The following LKAAEAR1 variants were observed in gnomAD, a reference collection of about 807,000 sequenced individuals.
LKAAEAR1 encodes protein LKAAEAR1.
LKAAEAR1 carries 19 observed loss-of-function variants against 16.5 expected under a neutral mutation model. That is an observed-to-expected ratio of 1.15 (90% CI 0.80 to 1.69). The LOEUF is 1.69. Among genes scored for constraint, LKAAEAR1 ranks in the 40% most tolerant of loss-of-function variants. The probability of loss-of-function intolerance (pLI) is 0.00; values close to 1 mark genes in which losing one functional copy is unlikely to be tolerated. For missense variants in LKAAEAR1, 304 were observed against 315.8 expected (o/e 0.96, Z 0.28); for synonymous variants, 124 against 152.7 (o/e 0.81, Z 1.39).
Position 64,083,716 on chromosome 20 carries a change from C to T in LKAAEAR1, c.403-11G>A. The T allele has an allele frequency of 1.5e-6, 2 of 1,363,240 alleles. No individual in the cohort carries two copies. Among genetic ancestry groups the T allele is most frequent in the Non-Finnish European group, 1.9e-6 (2 of 1,066,484 alleles). 84.4% of individuals were successfully genotyped at this position (1,363,240 alleles called of 1,614,324 possible). On this transcript the variant is annotated splice_polypyrimidine_tract_variant and intron_variant, in intron 1 of 2. Coordinates refer to ENST00000302096, the MANE Select transcript of LKAAEAR1 (RefSeq NM_001353425.2). This position sits in a 1 kb window ranked among gnomAD's most constrained non-coding sequence, Gnocchi z 4.9. ...CGCGATCTCCTCGGCCTGCGGGGCCCGGGTAGCTGAGCGCGCGCCGAGCCC... is the reference window on the plus strand; with the variant it reads ...CGCGATCTCCTCGGCCTGCGGGGCCTGGGTAGCTGAGCGCGCGCCGAGCCC...
Position 64,083,507 on chromosome 20 carries a change from G to C in LKAAEAR1, c.526-13C>G, listed in dbSNP as rs1243304481. The stretch of plus-strand genomic sequence containing the variant: ...CCACGCGCCTCCGCTGCCGGGGAGA[G>C]AGGCTGGGGTCCGGCGTGTGCGGAG... On this transcript the variant is annotated splice_polypyrimidine_tract_variant and intron_variant, in intron 2 of 2. Transcript: ENST00000302096. The surrounding 1 kb of genome is among the most constrained non-coding windows in gnomAD (Gnocchi z 4.9). The C allele has an allele frequency of 3.8e-6, 6 of 1,583,926 alleles. No homozygotes were observed. The highest frequency in any genetic ancestry group is 5.1e-6 in the Non-Finnish European group (6 of 1,166,460).
Position 64,084,338 on chromosome 20 carries a change from C to T in LKAAEAR1, c.-119G>A. On this transcript the variant is annotated 5_prime_UTR_variant, in exon 1 of 3. Coordinates refer to ENST00000302096, the MANE Select transcript of LKAAEAR1 (RefSeq NM_001353425.2). The stretch of plus-strand genomic sequence containing the variant: ...CAGCTCCCGCCCGCTGGGCTCTCCG[C>T]AGTCGGTTTTGAGTTCCGCACCCCC... 7.8e-7 allele frequency: 1 copy of T among 1,288,902 alleles called. No homozygotes were observed. Among genetic ancestry groups the T allele is most frequent in the Non-Finnish European group, 9.8e-7 (1 of 1,020,790 alleles). 79.8% of individuals were successfully genotyped at this position (1,288,902 alleles called of 1,614,324 possible). A position where few individuals can be genotyped will look rare whatever the true frequency, so the allele number is the denominator to read the frequency against.
rs1367711843 is a variant in LKAAEAR1 at position 64,083,893 on chromosome 20, C to T, written c.327G>A (p.Arg109=). 2 of 1,442,596 alleles carry T rather than the reference C, an allele frequency of 1.4e-6. No homozygotes were observed. Among genetic ancestry groups the T allele is most frequent in the African/African-American group, 1.5e-5 (1 of 67,254 alleles). 89.4% of individuals were successfully genotyped at this position (1,442,596 alleles called of 1,614,324 possible). ...CCGCTGCCTTGAGGACGCCGAGGAG[C>T]CGGTTCTGGCGCTCGGCGGGCAGCT... is the stretch of plus-strand genomic sequence containing the variant. ...SLELPAERQN[R]LLGVLKAAEA... is the part of the protein sequence containing the mutation. Residue 109 remains arginine, a synonymous_variant, in exon 1 of 3, where the codon CGG becomes CGA. Transcript: ENST00000302096. This position sits in a 1 kb window ranked among gnomAD's most constrained non-coding sequence, Gnocchi z 4.9.
chr20:64,083,503 G>T lies in LKAAEAR1; in HGVS notation c.526-9C>A, dbSNP rs776347770. On this transcript the variant is annotated splice_polypyrimidine_tract_variant and intron_variant, in intron 2 of 2. Coordinates refer to ENST00000302096, the MANE Select transcript of LKAAEAR1 (RefSeq NM_001353425.2). This position sits in a 1 kb window ranked among gnomAD's most constrained non-coding sequence, Gnocchi z 4.9. ...GTCTCCACGCGCCTCCGCTGCCGGG[G>T]AGAGAGGCTGGGGTCCGGCGTGTGC... 1.9e-6 allele frequency: 3 copies of T among 1,586,012 alleles called. No homozygotes were observed. Among genetic ancestry groups the T allele is most frequent in the South Asian group, 2.3e-5 (2 of 88,480 alleles).
rs1455091263 is a variant in LKAAEAR1, at chr20:64,083,601, G to A, written c.507C>T (p.Asp169=). The part of the protein sequence containing the change: ...PPQLKPARIP[D]PLDRQERRRV... Reference sequence around the variant, plus strand: ...TCTGCACCTCTTGGCGGTCCAGGGGGTCCGGGATCCGCGCGGGCTTCAGCT... The same window carrying A: ...TCTGCACCTCTTGGCGGTCCAGGGGATCCGGGATCCGCGCGGGCTTCAGCT... The change falls in exon 2 of 3, where the codon GAC becomes GAT. Residue 169 remains aspartate, a synonymous_variant. Transcript: ENST00000302096. The surrounding 1 kb of genome is among the most constrained non-coding windows in gnomAD (Gnocchi z 4.9). 1.3e-6 allele frequency: 2 copies of A among 1,486,302 alleles called. No homozygotes were observed. The highest frequency in any genetic ancestry group is 1.3e-5 in the South Asian group (1 of 77,890). The allele number at this position is 1,486,302 out of a possible 1,614,324, so 92.1% of individuals were successfully genotyped here.
In LKAAEAR1 at chr20:64,084,225, C is replaced by T. The variant is rs373109869; in HGVS notation, c.-6G>A. On this transcript the variant is annotated 5_prime_UTR_variant, in exon 1 of 3. Coordinates refer to ENST00000302096, the MANE Select transcript of LKAAEAR1 (RefSeq NM_001353425.2). ...TCCTTCGCTGGCGGCGGCATCCTCC[C>T]GCCCTGCGGAGGGAGGAGGGCGTCC... is the stretch of plus-strand genomic sequence containing the variant. The T allele has an allele frequency of 1.7e-5, 24 of 1,389,132 alleles. No homozygotes were observed. Among genetic ancestry groups the T allele is most frequent in the Non-Finnish European group, 2.0e-5 (22 of 1,079,192 alleles). 86.1% of individuals were successfully genotyped at this position (1,389,132 alleles called of 1,614,324 possible).
Position 64,083,501 on chromosome 20 carries a change from G to A in LKAAEAR1, c.526-7C>T, listed in dbSNP as rs2059993092. On this transcript the variant is annotated splice_polypyrimidine_tract_variant and splice_region_variant and intron_variant, in intron 2 of 2. Transcript: ENST00000302096. The surrounding 1 kb of genome is among the most constrained non-coding windows in gnomAD (Gnocchi z 4.9). Reference sequence around the variant, plus strand: ...TGGTCTCCACGCGCCTCCGCTGCCGGGGAGAGAGGCTGGGGTCCGGCGTGT... The same window carrying A: ...TGGTCTCCACGCGCCTCCGCTGCCGAGGAGAGAGGCTGGGGTCCGGCGTGT... The A allele has an allele frequency of 6.3e-7, 1 of 1,587,432 alleles. No homozygotes were observed. The highest frequency in any genetic ancestry group is 1.3e-5 in the African/African-American group (1 of 74,216).
upstream of LKAAEAR1, chr20:64,084,426 A>G (rs1311006563): frequency 7.2e-6 from 9 of 1,251,448 alleles, no homozygotes; most frequent in Admixed American, 1.3e-4. Context: ...CAGCTCTGCC[A>G]TCGGCTGATC....
At chr20:64,084,493 C>G, upstream of LKAAEAR1, 1 of 784,866 alleles carries the variant, frequency 1.3e-6, no homozygotes. Flanking sequence ...TAGGAAATAT[C>G]TTTCCTACCC....
At position 64,083,642 on chromosome 20, in the gene LKAAEAR1, G is replaced by T; in HGVS notation, c.466C>A (p.Leu156Met). ...KSARAAIRLE[L>M]FLPPQLKPAR... ...GGCTTCAGCTGCGGCGGCAGGAACA[G>T]CTCCAGCCGGATGGCGGCGCGCGCG... Residue 156 changes from leucine (L) to methionine (M), a missense_variant, in exon 2 of 3, where the codon CTG becomes ATG. Transcript: ENST00000302096. This position sits in a 1 kb window ranked among gnomAD's most constrained non-coding sequence, Gnocchi z 4.9. The T allele has an allele frequency of 2.1e-6, 3 of 1,452,622 alleles. No individual in the cohort carries two copies. The highest frequency in any genetic ancestry group is 2.7e-6 in the Non-Finnish European group (3 of 1,107,610). The allele number at this position is 1,452,622 out of a possible 1,614,324, so 90.0% of individuals were successfully genotyped here.
Position 64,083,482 on chromosome 20 carries a change from C to T in LKAAEAR1, c.538G>A (p.Glu180Lys). ...TCCACGTTCTCCTCCAGGATGGTCT[C>T]CACGCGCCTCCGCTGCCGGGGAGAG... ...PLDRQERRRVETILEENVDGT... is the reference protein window; with the variant it reads ...PLDRQERRRVKTILEENVDGT... Residue 180 changes from glutamate to lysine, a missense_variant, in exon 3 of 3, where the codon GAG becomes AAG. By Grantham distance (56) the Glu-to-Lys change is moderately conservative. Coordinates refer to ENST00000302096, the MANE Select transcript of LKAAEAR1 (RefSeq NM_001353425.2). The surrounding 1 kb of genome is among the most constrained non-coding windows in gnomAD (Gnocchi z 4.9). 1 of 1,597,078 alleles carries T rather than the reference C, an allele frequency of 6.3e-7. No individual in the cohort carries two copies. The highest frequency in any genetic ancestry group is 8.5e-7 in the Non-Finnish European group (1 of 1,173,054).
In LKAAEAR1 at chr20:64,083,501, G is replaced by C; in HGVS notation, c.526-7C>G. On this transcript the variant is annotated splice_polypyrimidine_tract_variant and splice_region_variant and intron_variant, in intron 2 of 2. Transcript: ENST00000302096. This position sits in a 1 kb window ranked among gnomAD's most constrained non-coding sequence, Gnocchi z 4.9. ...TGGTCTCCACGCGCCTCCGCTGCCG[G>C]GGAGAGAGGCTGGGGTCCGGCGTGT... is the stretch of plus-strand genomic sequence containing the variant. The C allele has an allele frequency of 6.3e-7, 1 of 1,587,432 alleles. No individual in the cohort carries two copies. The highest frequency in any genetic ancestry group is 8.6e-7 in the Non-Finnish European group (1 of 1,168,226).
chr20:64,083,529 G>C lies in LKAAEAR1; in HGVS notation c.526-35C>G. ...AGAGAGGCTGGGGTCCGGCGTGTGC[G>C]GAGGCGGGCAGGGCCCCTCCCCTTT... is the stretch of plus-strand genomic sequence containing the variant. On this transcript the variant is annotated intron_variant, in intron 2 of 2. Coordinates refer to ENST00000302096, the MANE Select transcript of LKAAEAR1 (RefSeq NM_001353425.2). This position sits in a 1 kb window ranked among gnomAD's most constrained non-coding sequence, Gnocchi z 4.9. 4 of 1,561,634 alleles carry C rather than the reference G, an allele frequency of 2.6e-6. No homozygotes were observed. Among genetic ancestry groups the C allele is most frequent in the Non-Finnish European group, 3.5e-6 (4 of 1,153,670 alleles).
In LKAAEAR1 at chr20:64,083,886, C is replaced by T. The variant is rs1164568400; in HGVS notation, c.334G>A (p.Gly112Ser). 4.2e-6 allele frequency: 6 copies of T among 1,440,022 alleles called. No individual in the cohort carries two copies. Among genetic ancestry groups the T allele is most frequent in the South Asian group, 1.4e-5 (1 of 73,030 alleles). 89.2% of individuals were successfully genotyped at this position (1,440,022 alleles called of 1,614,324 possible). Residue 112 changes from glycine (G) to serine (S), a missense_variant, in exon 1 of 3, where the codon GGC (glycine) becomes AGC (serine). Physicochemically the swap from Gly to Ser is moderately conservative, Grantham distance 56. Transcript: ENST00000302096. This position sits in a 1 kb window ranked among gnomAD's most constrained non-coding sequence, Gnocchi z 4.9. ...CGGGCCTCCGCTGCCTTGAGGACGC[C>T]GAGGAGCCGGTTCTGGCGCTCGGCG... ...LPAERQNRLL[G>S]VLKAAEARGR...
chr20:64,084,022 G>A lies in LKAAEAR1; in HGVS notation c.198C>T (p.Gly66=). The change falls in exon 1 of 3, where the codon GGC becomes GGT. Residue 66 remains glycine, a synonymous_variant. Transcript: ENST00000302096. ...PAQRHRHLLF[G]DLLEDVGAAA... is the part of the protein sequence containing the mutation. ...CCGCGCCCACGTCCTCCAGCAGGTCGCCGAAGAGCAGATGGCGGTGGCGCT... is the reference window on the plus strand; with the variant it reads ...CCGCGCCCACGTCCTCCAGCAGGTCACCGAAGAGCAGATGGCGGTGGCGCT... 1 of 1,502,902 alleles carries A rather than the reference G, an allele frequency of 6.7e-7. No individual in the cohort carries two copies. Among genetic ancestry groups the A allele is most frequent in the Non-Finnish European group, 8.8e-7 (1 of 1,135,898 alleles). The allele number at this position is 1,502,902 out of a possible 1,614,324, so 93.1% of individuals were successfully genotyped here.
At position 64,084,223 on chromosome 20, in the gene LKAAEAR1, C is replaced by T. The variant is rs775015087; in HGVS notation, c.-4G>A. 7.9e-6 allele frequency: 11 copies of T among 1,398,244 alleles called. No individual in the cohort carries two copies. The highest frequency in any genetic ancestry group is 1.0e-5 in the Non-Finnish European group (11 of 1,084,974). 86.6% of individuals were successfully genotyped at this position (1,398,244 alleles called of 1,614,324 possible). On this transcript the variant is annotated 5_prime_UTR_variant, in exon 1 of 3. Transcript: ENST00000302096. ...CCTCCTTCGCTGGCGGCGGCATCCTCCCGCCCTGCGGAGGGAGGAGGGCGT... is the reference window on the plus strand; with the variant it reads ...CCTCCTTCGCTGGCGGCGGCATCCTTCCGCCCTGCGGAGGGAGGAGGGCGT...
rs778516357 is a variant in LKAAEAR1 at position 64,083,395 on chromosome 20, A to C, written c.*40T>G. The C allele has an allele frequency of 6.2e-6, 10 of 1,611,130 alleles. No homozygotes were observed. The South Asian group carries it at 1.1e-4, about 18-fold the overall frequency. ...CGAGCCTTCGGAGAATTATAACTTT[A>C]TGTGGGAGGCTGGGGCGCGTCGCAC... is the stretch of plus-strand genomic sequence containing the variant. On this transcript the variant is annotated 3_prime_UTR_variant, in exon 3 of 3. Transcript: ENST00000302096. This position sits in a 1 kb window ranked among gnomAD's most constrained non-coding sequence, Gnocchi z 4.9.
At position 64,083,404 on chromosome 20, in the gene LKAAEAR1, G is replaced by C. The variant is rs1422087178; in HGVS notation, c.*31C>G. 3 of 1,611,640 alleles carry C rather than the reference G, an allele frequency of 1.9e-6. No individual in the cohort carries two copies. The highest frequency in any genetic ancestry group is 3.3e-5 in the Admixed American group (2 of 59,934). On this transcript the variant is annotated 3_prime_UTR_variant, in exon 3 of 3. Transcript: ENST00000302096. The surrounding 1 kb of genome is among the most constrained non-coding windows in gnomAD (Gnocchi z 4.9). ...GGAGAATTATAACTTTATGTGGGAGGCTGGGGCGCGTCGCACACTCTCAGT... is the reference window on the plus strand; with the variant it reads ...GGAGAATTATAACTTTATGTGGGAGCCTGGGGCGCGTCGCACACTCTCAGT...
Position 64,084,077 on chromosome 20 carries a change from G to A in LKAAEAR1, c.143C>T (p.Pro48Leu), listed in dbSNP as rs2060010402. Reference sequence around the variant, plus strand: ...AGGGAGCATGGCCGCCAGTCCCTGCGGCGTCAGGGCCCAGCCCGGCTTGGG... The same window carrying A: ...AGGGAGCATGGCCGCCAGTCCCTGCAGCGTCAGGGCCCAGCCCGGCTTGGG... ...EPPKPGWALT[P>L]QGLAAMLPAQ... Residue 48 changes from proline to leucine, a missense_variant, in exon 1 of 3, where the codon CCG (proline) becomes CTG (leucine). By Grantham distance (98) the Pro-to-Leu change is moderately conservative (BLOSUM62 -3). Coordinates refer to ENST00000302096, the MANE Select transcript of LKAAEAR1 (RefSeq NM_001353425.2). 1 of 1,493,450 alleles carries A rather than the reference G, an allele frequency of 6.7e-7. No individual in the cohort carries two copies. Among genetic ancestry groups the A allele is most frequent in the Non-Finnish European group, 8.8e-7 (1 of 1,131,062 alleles). 92.5% of individuals were successfully genotyped at this position (1,493,450 alleles called of 1,614,324 possible). A position where few individuals can be genotyped will look rare whatever the true frequency, so the allele number is the denominator to read the frequency against.
Sources: gnomAD v4.1 joint callset for allele counts on GRCh38, gnomAD v4.1.1 for gene constraint, Gnocchi (gnomAD v3.1) non-coding constraint, MANE v1.5 for transcripts, NCBI Gene and HGNC (gene_info 2026-07-23, HGNC 2026-07-21) for gene names.